NEK10: variants seen among roughly 807,000 people sequenced by gnomAD.
The protein encoded by NEK10 is NIMA related kinase 10, also known as serine/threonine-protein kinase Nek10.
Under a neutral mutation model 159.8 loss-of-function variants are expected in NEK10, and 122 were observed. The observed-to-expected ratio is 0.76, with a 90% CI of 0.66 to 0.89. The LOEUF (loss-of-function observed/expected upper bound fraction) is 0.89. Among genes scored for constraint, NEK10 ranks in the 40% least tolerant of loss-of-function variants. NEK10 has a pLI of 0.00. For synonymous variants in NEK10, 466 were observed against 457.1 expected, an observed-to-expected ratio of 1.02 and a Z score of -0.25; for missense variants, 1,342 against 1,323.1, an observed-to-expected ratio of 1.01 and a Z score of -0.22.
chr3:27,164,416 C>T (rs1178227093), intron 29 of NEK10, among the ~76,000 whole-genome samples: 3 of 152,132 alleles, frequency 2.0e-5, no homozygotes, highest in Non-Finnish European at 1.5e-5. Context: ...CGATTGTAAG[C>T]ATCAAACATA....
intron 23 of NEK10, among the ~76,000 whole-genome samples, chr3:27,212,685 C>T (rs1377664497): frequency 4.6e-5 from 7 of 152,086 alleles, no homozygotes; most frequent in East Asian, 1.9e-4. Context: ...TAGTTATTTC[C>T]GGGAAGTAGA....
Position 27,192,091 on chromosome 3 carries a change from A to G in NEK10, c.2443T>C (p.Tyr815His). Residue 815 changes from tyrosine (Y) to histidine (H), a missense_variant, in exon 26 of 36, where the codon TAT becomes CAT. Tyr to His is a moderately conservative substitution (Grantham distance 83, BLOSUM62 2). Coordinates refer to ENST00000691995, the MANE Select transcript of NEK10 (RefSeq NM_001394966.1). ...LERERRRTQR[Y>H]FMEANRNTVT... is the part of the protein sequence containing the mutation. Reference sequence around the variant, plus strand: ...GTGTTCCGGTTGGCTTCCATAAAATACCTTTGTGTGCGTCTTCGTTCCCGT... The same window carrying G: ...GTGTTCCGGTTGGCTTCCATAAAATGCCTTTGTGTGCGTCTTCGTTCCCGT... The G allele has an allele frequency of 6.2e-7, 1 of 1,614,178 alleles. No individual in the cohort carries two copies. Among genetic ancestry groups the G allele is most frequent in the Non-Finnish European group, 8.5e-7 (1 of 1,180,028 alleles).
chr3:27,311,097 T>C, intron 8 of NEK10, 81 bp from the exon 9 acceptor site: 1 of 846,488 alleles, frequency 1.2e-6, no homozygotes, highest in Non-Finnish European at 2.0e-6. Context: ...CTGCAGTGCA[T>C]ATGGGCAGGC....
At position 27,115,978 on chromosome 3, in the gene NEK10, G is replaced by A; in HGVS notation, c.3261C>T (p.Val1087=). 6.2e-7 allele frequency: 1 copy of A among 1,612,880 alleles called. No individual in the cohort carries two copies. Among genetic ancestry groups the A allele is most frequent in the Non-Finnish European group, 8.5e-7 (1 of 1,179,198 alleles). The part of the protein sequence containing the change: ...YEQMQTVIEE[V]LEESGYYNFT... ...AATTGTAATAGCCACTTTCCTCAAGGACTTCTTCAATCACAGTCTAAAATT... is the reference window on the plus strand; with the variant it reads ...AATTGTAATAGCCACTTTCCTCAAGAACTTCTTCAATCACAGTCTAAAATT... The change falls in exon 35 of 36, where the codon GTC becomes GTT. Residue 1087 remains valine (V), a synonymous_variant. Coordinates refer to ENST00000691995, the MANE Select transcript of NEK10 (RefSeq NM_001394966.1).
At chr3:27,189,011 C>T (rs1029285115) in intron 26 of NEK10, among the ~76,000 whole-genome samples, 2 of 152,132 alleles carry the variant, frequency 1.3e-5, no homozygotes, top group Admixed American at 6.5e-5. Context: ...ATACCCTCTA[C>T]ATGACAATAT....
chr3:27,112,278 C>T (rs1939680685), intron 35 of NEK10, among the ~76,000 whole-genome samples: 1 of 152,178 alleles, frequency 6.6e-6, no homozygotes, highest in Non-Finnish European at 1.5e-5. Flanking sequence ...CTATTCTCTT[C>T]CTTAACTAAA....
rs147843845 is a variant in NEK10 at position 27,304,536 on chromosome 3, T to A, written c.1028+211A>T. Among the ~76,000 whole-genome samples the A allele has an allele frequency of 3.0e-4, 46 of 152,266 alleles. No homozygotes were observed. The East Asian group carries it at 8.7e-3, about 29-fold the overall frequency. ...TTGGTGATGCAAAGATAAATATATC[T>A]GGGTCCCCAAGGAATTTAAAAGATG... On this transcript the variant is annotated intron_variant, in intron 12 of 35. Transcript: ENST00000691995.
intron 22 of NEK10, among the ~76,000 whole-genome samples, chr3:27,271,137 CATCTATCTATCTTCT>C (rs2041309810): frequency 1.3e-5 from 2 of 148,196 alleles, no homozygotes; most frequent in Non-Finnish European, 3.0e-5. Context: ...TCTTTCCATC[CATCTATCTATCTTCT>C]ATCTATCTAT....
At chr3:27,264,852 T>A (rs532709822) in intron 22 of NEK10, among the ~76,000 whole-genome samples, 1 of 151,676 alleles carries the variant, frequency 6.6e-6, no homozygotes, top group South Asian at 2.1e-4. Flanking sequence ...CAAGATCACA[T>A]CACTGCACTC....
At chr3:27,276,792 C>T (rs2041806574) in intron 22 of NEK10, among the ~76,000 whole-genome samples, 2 of 152,112 alleles carry the variant, frequency 1.3e-5, no homozygotes, top group Non-Finnish European at 2.9e-5. Flanking sequence ...TTCACATTCT[C>T]TTCTCCTTCT....
At chr3:27,218,456 T>C (rs1281554967) in intron 23 of NEK10, among the ~76,000 whole-genome samples, 2 of 151,970 alleles carry the variant, frequency 1.3e-5, no homozygotes, top group Non-Finnish European at 2.9e-5. Context: ...AATACAAAAA[T>C]TAGCCGGGCT....
rs1329172731 is a variant in NEK10 at position 27,290,745 on chromosome 3, G to A, written c.1615C>T (p.His539Tyr). Residue 539 changes from histidine to tyrosine, a missense_variant, in exon 19 of 36, where the codon CAT (histidine) becomes TAT (tyrosine). Transcript: ENST00000691995. ...AFGCVYKVRK[H>Y]SGQNLLAMKE... ...ATTGCTAAAAGATTTTGACCACTAT[G>A]CTTTCTAACCTAAAATAAAGAAAAA... is the stretch of plus-strand genomic sequence containing the variant. 1.9e-6 allele frequency: 3 copies of A among 1,601,562 alleles called. No homozygotes were observed. The highest frequency in any genetic ancestry group is 1.1e-5 in the South Asian group (1 of 88,786).
intron 23 of NEK10, among the ~76,000 whole-genome samples, chr3:27,234,097 A>C (rs1953633201): frequency 6.6e-6 from 1 of 152,156 alleles, no homozygotes; most frequent in Admixed American, 6.6e-5. Context: ...TCTCTCAATA[A>C]ACTGGTATTG....
intron 26 of NEK10, among the ~76,000 whole-genome samples, chr3:27,186,936 G>A (rs750783618): frequency 1.3e-5 from 2 of 152,108 alleles, no homozygotes; most frequent in Non-Finnish European, 2.9e-5. Context: ...GGGGCTGGCA[G>A]GTGAGTTCAC....
intron 26 of NEK10, among the ~76,000 whole-genome samples, chr3:27,184,177 C>G (rs944394714): frequency 6.6e-6 from 1 of 152,092 alleles, no homozygotes; most frequent in African/African-American, 2.4e-5. Context: ...CTGGAGAAAA[C>G]GTAAGTGTTC....
intron 22 of NEK10, among the ~76,000 whole-genome samples, chr3:27,272,707 G>T (rs1231720950): frequency 6.6e-6 from 1 of 152,132 alleles, no homozygotes; most frequent in Non-Finnish European, 1.5e-5. Context: ...TGTTCTAGGT[G>T]CTGAACCAGG....
At chr3:27,248,016 G>A (rs1002294185) in intron 23 of NEK10, among the ~76,000 whole-genome samples, 2 of 151,776 alleles carry the variant, frequency 1.3e-5, no homozygotes, top group Non-Finnish European at 2.9e-5. Flanking sequence ...TTTCTTTACT[G>A]GGAGACTTTT....
At chr3:27,179,492 TC>T (rs939911757) in intron 26 of NEK10, among the ~76,000 whole-genome samples, 1 of 152,224 alleles carries the variant, frequency 6.6e-6, no homozygotes, top group Non-Finnish European at 1.5e-5. Flanking sequence ...TTCACTGTTA[TC>T]CCATAACTAA....
At chr3:27,318,340 A>G (rs115262823) in intron 6 of NEK10, among the ~76,000 whole-genome samples, 50 of 152,286 alleles carry the variant, frequency 3.3e-4, no homozygotes, top group African/African-American at 1.1e-3. Flanking sequence ...TGAGGGGAAG[A>G]ATTGAAGAGC....
Sources: gnomAD v4.1 joint callset for allele counts (sites outside exome capture counted in the v4.1 genomes callset) on GRCh38, gnomAD v4.1.1 for gene constraint, MANE v1.5 for transcripts, NCBI Gene and HGNC (gene_info 2026-07-23, HGNC 2026-07-21) for gene names.